The following RFC3 variants were observed in gnomAD, a reference collection of about 807,000 sequenced individuals.
RFC3 encodes replication factor C subunit 3.
A neutral mutation model predicts 45.1 loss-of-function variants in RFC3; 41 were observed. That is an observed-to-expected ratio of 0.91 (90% confidence interval 0.71 to 1.18). The LOEUF (loss-of-function observed/expected upper bound fraction) is 1.18, where lower values mean the gene tolerates loss of function less well. Among genes scored for constraint, RFC3 ranks in the 50% most tolerant of loss-of-function variants. The pLI is 0.00. For missense variants in RFC3, 423 were observed against 428.1 expected, an observed-to-expected ratio of 0.99 and a Z score of 0.10; for synonymous variants, 149 against 144.0, an observed-to-expected ratio of 1.03 and a Z score of -0.25.
At chr13:33,934,146 A>T (rs929409908) in intron 8 of RFC3, among the ~76,000 whole-genome samples, 25 of 151,848 alleles carry the variant, frequency 1.6e-4, no homozygotes, top group African/African-American at 5.8e-4. Context: ...AGCCTGGGCA[A>T]CATAGCAAGA....
chr13:33,878,659 C>CT (rs1349512384), intron 8 of RFC3, among the ~76,000 whole-genome samples: 1 of 152,110 alleles, frequency 6.6e-6, no homozygotes, highest in Non-Finnish European at 1.5e-5. Context: ...CTCCAAGGCT[C>CT]TGAGAGTGTG....
intron 2 of RFC3, among the ~76,000 whole-genome samples, chr13:33,822,061 A>G (rs1003419086): frequency 1.3e-5 from 2 of 152,170 alleles, no homozygotes; most frequent in South Asian, 4.1e-4. Context: ...CTGAGTGTGG[A>G]TGGTAGTGCT....
At chr13:33,841,729 A>G (rs1593628728), downstream of RFC3, among the ~76,000 whole-genome samples, 1 of 152,166 alleles carries the variant, frequency 6.6e-6, no homozygotes, top group Non-Finnish European at 1.5e-5. Flanking sequence ...GTATTTGATT[A>G]TCAGCTTGTT....
chr13:33,874,016 C>G (rs1199606927), intron 8 of RFC3, among the ~76,000 whole-genome samples: 5 of 152,226 alleles, frequency 3.3e-5, no homozygotes, highest in Admixed American at 6.5e-5. Context: ...TCTAATCTCT[C>G]TATAAAACTT....
At chr13:33,930,627 G>A (rs1459209313) in intron 8 of RFC3, among the ~76,000 whole-genome samples, 10 of 152,044 alleles carry the variant, frequency 6.6e-5, no homozygotes, top group Admixed American at 6.6e-4. Context: ...ATAATACTTT[G>A]CATCCTTCAA....
Position 33,903,946 on chromosome 13 carries a change from T to A in RFC3, c.880-62141T>A, listed in dbSNP as rs547869166. On this transcript the variant is annotated intron_variant, in intron 8 of 8. Coordinates refer to the RFC3 transcript ENST00000434425. ...ATAGGTATCTATTTCCTGCTGTGTCTTGTAAACATCATGTTTATTACACTA... is the reference window on the plus strand; with the variant it reads ...ATAGGTATCTATTTCCTGCTGTGTCATGTAAACATCATGTTTATTACACTA... Among the ~76,000 whole-genome samples, 20 of 152,242 alleles carry A rather than the reference T, an allele frequency of 1.3e-4. No individual in the cohort carries two copies. The South Asian group carries it at 1.9e-3, about 14-fold the overall frequency.
At chr13:33,910,839 A>G (rs1035559983) in intron 8 of RFC3, among the ~76,000 whole-genome samples, 3 of 151,932 alleles carry the variant, frequency 2.0e-5, no homozygotes, top group African/African-American at 4.8e-5. Context: ...CCTCAGGAAA[A>G]CTTACAATCA....
chr13:33,851,315 C>T (rs9805170), intron 8 of RFC3, among the ~76,000 whole-genome samples: 9,530 of 152,118 alleles, frequency 0.063, 615 homozygotes, highest in East Asian at 0.16. Context: ...GGAGCATCAA[C>T]CCGTCACAGT....
rs76563331 is a variant in RFC3 at position 33,881,585 on chromosome 13, C to T, written c.879+46368C>T. 8.1e-3 allele frequency among the ~76,000 whole-genome samples: 1,231 copies of T among 152,082 alleles called. 10 individuals carry two copies. The highest frequency in any genetic ancestry group is 0.028 in the African/African-American group (1,174 of 41,458). ...TCAGACCTTTACTTTCAGTAGGATC[C>T]GGCCAGTTGTCTCCTCTCGGGGGCT... On this transcript the variant is annotated intron_variant, in intron 8 of 8. Coordinates refer to the RFC3 transcript ENST00000434425.
chr13:33,827,132 T>C (rs1255319348), intron 4 of RFC3, among the ~76,000 whole-genome samples: 2 of 152,172 alleles, frequency 1.3e-5, no homozygotes, highest in Non-Finnish European at 2.9e-5. Context: ...TTTTCTAATA[T>C]TAAAACTTTT....
At chr13:33,931,953 A>G (rs2082855252) in intron 8 of RFC3, among the ~76,000 whole-genome samples, 1 of 152,090 alleles carries the variant, frequency 6.6e-6, no homozygotes, top group South Asian at 2.1e-4. Context: ...TTTGTTTTTC[A>G]TTCACTGATG....
At chr13:33,924,180 A>T (rs992590350) in intron 8 of RFC3, among the ~76,000 whole-genome samples, 1 of 152,090 alleles carries the variant, frequency 6.6e-6, no homozygotes, top group South Asian at 2.1e-4. Flanking sequence ...AATTGACTTT[A>T]AAAGACAAGT....
intron 8 of RFC3, among the ~76,000 whole-genome samples, chr13:33,947,039 T>C (rs891393227): frequency 6.6e-6 from 1 of 152,216 alleles, no homozygotes; most frequent in African/African-American, 2.4e-5. Flanking sequence ...TTAAACCACA[T>C]TTAGTAACAT....
At chr13:33,870,886 G>A (rs1254124184) in intron 8 of RFC3, among the ~76,000 whole-genome samples, 1 of 152,134 alleles carries the variant, frequency 6.6e-6, no homozygotes, top group Admixed American at 6.5e-5. Flanking sequence ...ATTGCTTGAG[G>A]TATAATAGGC....
chr13:33,904,093 T>C (rs1032537381), intron 8 of RFC3, among the ~76,000 whole-genome samples: 16 of 151,550 alleles, frequency 1.1e-4, no homozygotes, highest in African/African-American at 3.9e-4. Flanking sequence ...TTGAACATAC[T>C]AAAATTGTTT....
At chr13:33,835,506 C>T in intron 8 of RFC3, 2 of 584,474 alleles carry the variant, frequency 3.4e-6, no homozygotes, top group East Asian at 7.9e-5. Flanking sequence ...TACCAAGGTG[C>T]AGGGATGATA....
chr13:33,958,043 A>T (rs1370707766), intron 8 of RFC3, among the ~76,000 whole-genome samples: 1 of 152,222 alleles, frequency 6.6e-6, no homozygotes, highest in African/African-American at 2.4e-5. Flanking sequence ...TAGACTCCAA[A>T]TTATTATAAA....
At chr13:33,952,915 C>G (rs1246587637) in intron 8 of RFC3, among the ~76,000 whole-genome samples, 1 of 152,086 alleles carries the variant, frequency 6.6e-6, no homozygotes, top group African/African-American at 2.4e-5. Context: ...TTCGCAGAAG[C>G]TACCTAGAAG....
exon 9 of RFC3, chr13:33,966,295 C>T (rs2083087540): frequency 4.6e-6 from 3 of 645,244 alleles, no homozygotes; most frequent in South Asian, 3.6e-5. Flanking sequence ...CCCTGACCCA[C>T]TGTGCTGGTT....
Sources: gnomAD v4.1 joint callset for allele counts (sites outside exome capture counted in the v4.1 genomes callset) on GRCh38, gnomAD v4.1.1 for gene constraint, MANE v1.5 for transcripts, NCBI Gene and HGNC (gene_info 2026-07-23, HGNC 2026-07-21) for gene names.